KCNN2: variants seen among roughly 807,000 people sequenced by gnomAD.
KCNN2 encodes the protein potassium calcium-activated channel subfamily N member 2, also known as small conductance calcium-activated potassium channel protein 2.
In KCNN2, 24 loss-of-function variants were observed where a neutral mutation model predicts 55.5. The observed-to-expected ratio is 0.43, with a 90% CI of 0.31 to 0.61. The LOEUF (loss-of-function observed/expected upper bound fraction) is 0.61. KCNN2 is among the 20% of genes least tolerant of loss of function. KCNN2 has a pLI of 0.08. For synonymous variants in KCNN2, 431 were observed against 336.1 expected (o/e 1.28, Z -3.09); for missense variants, 754 against 853.6 (o/e 0.88, Z 1.45).
At chr5:114,274,185 T>C (rs1755431421) in intron 2 of KCNN2, among the ~76,000 whole-genome samples, 1 of 152,178 alleles carries the variant, frequency 6.6e-6, no homozygotes, top group Non-Finnish European at 1.5e-5. Flanking sequence ...CTGCGTTCTG[T>C]TCCATTGGTC....
chr5:114,238,401 G>A lies in KCNN2; in HGVS notation c.-185+16836G>A, dbSNP rs188825024. Among the ~76,000 whole-genome samples, 518 of 152,148 alleles carry A rather than the reference G, an allele frequency of 3.4e-3. 5 individuals are homozygous for A. The highest frequency in any genetic ancestry group is 0.012 in the African/African-American group (500 of 41,506). ...AGCACTTTGGGAGGCCGAGGCGGGTGGATTGTCTGAGCTCAGGAGTTCAAG... is the reference window on the plus strand; with the variant it reads ...AGCACTTTGGGAGGCCGAGGCGGGTAGATTGTCTGAGCTCAGGAGTTCAAG... On this transcript the variant is annotated intron_variant, in intron 2 of 10. Coordinates refer to the KCNN2 transcript ENST00000512097.
At chr5:114,129,190 C>T (rs1156317476) in intron 1 of KCNN2, among the ~76,000 whole-genome samples, 1 of 152,112 alleles carries the variant, frequency 6.6e-6, no homozygotes, top group Non-Finnish European at 1.5e-5. Flanking sequence ...GTTCCCCACC[C>T]CTTACTCTCC....
chr5:114,328,823 C>T (rs769952900), intron 2 of KCNN2, among the ~76,000 whole-genome samples: 15 of 152,184 alleles, frequency 9.9e-5, no homozygotes, highest in Non-Finnish European at 1.6e-4. Context: ...ACTTTCAGAT[C>T]CTTCTGATCA....
chr5:114,474,665 A>G (rs1409384017), intron 5 of KCNN2, among the ~76,000 whole-genome samples: 1 of 152,196 alleles, frequency 6.6e-6, no homozygotes, highest in Non-Finnish European at 1.5e-5. Flanking sequence ...CATCATGTGC[A>G]TGTTTGGTCC....
intron 3 of KCNN2, among the ~76,000 whole-genome samples, chr5:114,433,099 C>A (rs1266798140): frequency 6.6e-6 from 1 of 152,226 alleles, no homozygotes; most frequent in Non-Finnish European, 1.5e-5. Flanking sequence ...GCAGCTCCAC[C>A]TGCAGCCCCT....
Position 114,377,992 on chromosome 5 carries a change from G to A in KCNN2, c.1218+13991G>A, listed in dbSNP as rs560829911. On this transcript the variant is annotated intron_variant, in intron 2 of 7. Transcript: ENST00000673685. ...AGGAAGCAGAGCCTAGAATCTAGGA[G>A]TATCTCAAGGTGGGAAGGGGGAAAG... Among the ~76,000 whole-genome samples, 101 of 152,244 alleles carry A rather than the reference G, an allele frequency of 6.6e-4. 3 individuals are homozygous for A. The South Asian group carries it at 0.02, about 30-fold the overall frequency.
At chr5:114,305,126 T>C (rs1033879864) in intron 2 of KCNN2, among the ~76,000 whole-genome samples, 1 of 152,212 alleles carries the variant, frequency 6.6e-6, no homozygotes. Context: ...CTCTAGAGGA[T>C]AGCCTAACGT....
At chr5:114,099,780 C>G (rs1751337336) in intron 1 of KCNN2, among the ~76,000 whole-genome samples, 1 of 152,048 alleles carries the variant, frequency 6.6e-6, no homozygotes, top group Non-Finnish European at 1.5e-5. Context: ...GTCAAAAAGA[C>G]TGTCTATATA....
chr5:114,106,430 T>C (rs1751484145), intron 1 of KCNN2, among the ~76,000 whole-genome samples: 1 of 151,926 alleles, frequency 6.6e-6, no homozygotes, highest in Admixed American at 6.6e-5. Flanking sequence ...CGAAGGGTTT[T>C]CCAAAGTGGT....
At chr5:114,329,390 C>A (rs931655727) in intron 2 of KCNN2, among the ~76,000 whole-genome samples, 2 of 152,186 alleles carry the variant, frequency 1.3e-5, no homozygotes, top group African/African-American at 4.8e-5. Context: ...GCTGCCAGTG[C>A]GGCTAGAATA....
chr5:114,148,562 T>G (rs569203601), intron 1 of KCNN2, among the ~76,000 whole-genome samples: 3 of 152,212 alleles, frequency 2.0e-5, no homozygotes, highest in African/African-American at 7.2e-5. Context: ...GACAGGATTC[T>G]AAGCCTCTGA....
intron 1 of KCNN2, among the ~76,000 whole-genome samples, chr5:114,148,977 T>C (rs1171704151): frequency 1.3e-5 from 2 of 152,040 alleles, no homozygotes; most frequent in Non-Finnish European, 2.9e-5. Context: ...AAATAGGAAG[T>C]AAAACACCAT....
At position 114,070,383 on chromosome 5, in the gene KCNN2, CA is replaced by C. The variant is rs200510510; in HGVS notation, c.-271+13885del. 2.9e-3 allele frequency among the ~76,000 whole-genome samples: 441 copies of C among 152,330 alleles called. 2 individuals carry two copies. Among genetic ancestry groups the C allele is most frequent in the African/African-American group, 0.01 (421 of 41,578 alleles). ...TACACTCCATTACTTAATATTTTTT[CA>C]ACGAGCCATGCCTTTACCTGAGCTA... On this transcript the variant is annotated intron_variant, in intron 1 of 10. Transcript: ENST00000512097.
intron 2 of KCNN2, among the ~76,000 whole-genome samples, chr5:114,341,293 T>C (rs1757010698): frequency 6.6e-6 from 1 of 152,196 alleles, no homozygotes; most frequent in Non-Finnish European, 1.5e-5. Context: ...AATTGGTACA[T>C]AGATACTAAA....
intron 2 of KCNN2, among the ~76,000 whole-genome samples, chr5:114,320,792 C>G (rs1756600838): frequency 6.6e-6 from 1 of 152,094 alleles, no homozygotes; most frequent in Admixed American, 6.6e-5. Context: ...GAGATAGTGA[C>G]AGGTAAAAGA....
chr5:114,160,636 T>C (rs1399670907), intron 1 of KCNN2, among the ~76,000 whole-genome samples: 2 of 152,094 alleles, frequency 1.3e-5, no homozygotes, highest in African/African-American at 4.8e-5. Flanking sequence ...TGTGTGGGAG[T>C]CTAAGTCTCT....
At chr5:114,495,842 A>G (rs758507707) in intron 7 of KCNN2, 53 bp from the exon 8 acceptor site, 2 of 1,533,888 alleles carry the variant, frequency 1.3e-6, no homozygotes, top group Non-Finnish European at 8.9e-7. Context: ...AGAGGTGGAC[A>G]GTTTGTGTTC....
intron 1 of KCNN2, among the ~76,000 whole-genome samples, chr5:114,142,770 C>T (rs952823463): frequency 2.6e-5 from 4 of 152,172 alleles, no homozygotes; most frequent in Non-Finnish European, 5.9e-5. Context: ...GAATCAATAT[C>T]GTGAAAATGG....
At chr5:114,208,856 T>A (rs1753823248) in intron 1 of KCNN2, among the ~76,000 whole-genome samples, 1 of 152,186 alleles carries the variant, frequency 6.6e-6, no homozygotes, top group South Asian at 2.1e-4. Flanking sequence ...GAGACTTACA[T>A]GACCTCTCAA....
Sources: gnomAD v4.1 joint callset for allele counts (sites outside exome capture counted in the v4.1 genomes callset) on GRCh38, gnomAD v4.1.1 for gene constraint, MANE v1.5 for transcripts, NCBI Gene and HGNC (gene_info 2026-07-23, HGNC 2026-07-21) for gene names.